Variants in KIF26A observed in about 807,000 individuals in gnomAD.
KIF26A encodes the protein kinesin-like protein KIF26A.
In KIF26A, 74 loss-of-function variants were observed where a neutral mutation model predicts 126.0. The ratio of observed to expected loss-of-function variants is 0.59; its 90% CI spans 0.49 to 0.71. The LOEUF is 0.71. Ranked by LOEUF, KIF26A falls within the 30% of genes least tolerant of loss-of-function variation. KIF26A has a pLI of 0.00. For missense variants in KIF26A, 2,984 were observed against 2,763.3 expected (o/e 1.08, Z -1.79); for synonymous variants, 1,445 against 1,232.7 (o/e 1.17, Z -3.61).
chr14:104,177,066 A>G lies in KIF26A; in HGVS notation c.4278A>G (p.Val1426=). The G allele has an allele frequency of 6.3e-7, 1 of 1,592,052 alleles. No individual in the cohort carries two copies. Among genetic ancestry groups the G allele is most frequent in the East Asian group, 2.2e-5 (1 of 44,624 alleles). The change falls in exon 12 of 15, where the codon GTA becomes GTG. Residue 1426 remains valine, a synonymous_variant. Coordinates refer to ENST00000423312, the MANE Select transcript of KIF26A (RefSeq NM_015656.2). ...GCCTGAAGGCCCGGGCCAGCAAGGT[A>G]GAAGCAGCACACCGTCTTGCCGGAC... ...TSSLKARASK[V]EAAHRLAGHA...
rs148808752 is a variant in KIF26A, at chr14:104,145,548, G to A, written c.288+6260G>A. Reference sequence around the variant, plus strand: ...TTGGACCTGGGATGGTCGTGCTTGCGTCCCTCCTGCGCTGGCCTCTGACCC... The same window carrying A: ...TTGGACCTGGGATGGTCGTGCTTGCATCCCTCCTGCGCTGGCCTCTGACCC... On this transcript the variant is annotated intron_variant, in intron 2 of 14. Coordinates refer to ENST00000423312, the MANE Select transcript of KIF26A (RefSeq NM_015656.2). Among the ~76,000 whole-genome samples the A allele has an allele frequency of 5.0e-3, 760 of 152,334 alleles. 6 individuals carry two copies. The highest frequency in any genetic ancestry group is 0.012 in the South Asian group (56 of 4,828).
intron 4 of KIF26A, among the ~76,000 whole-genome samples, chr14:104,165,061 CTG>C (rs752109847): frequency 1.1e-4 from 16 of 150,252 alleles, no homozygotes; most frequent in Middle Eastern, 3.4e-3. Flanking sequence ...CTGTGTGTCT[CTG>C]TGTTTCTGTA....
chr14:104,153,229 G>A (rs1407443789), intron 3 of KIF26A, among the ~76,000 whole-genome samples: 2 of 152,130 alleles, frequency 1.3e-5, no homozygotes, highest in Admixed American at 6.5e-5. Flanking sequence ...GCTGGGGGCT[G>A]GCCTTGGCAC....
rs1006748381 is a variant in KIF26A at position 104,152,765 on chromosome 14, G to A, written c.735+304G>A. On this transcript the variant is annotated intron_variant, in intron 3 of 14. Coordinates refer to ENST00000423312, the MANE Select transcript of KIF26A (RefSeq NM_015656.2). This position sits in a 1 kb window ranked among gnomAD's most constrained non-coding sequence, Gnocchi z 5.9. ...ACCAGTGCCCAGCACAGGGCTTGGC[G>A]ATGCACAGGGCACCGTGTGTAGATC... 3.9e-5 allele frequency among the ~76,000 whole-genome samples: 6 copies of A among 152,206 alleles called. No individual in the cohort carries two copies. The East Asian group carries it at 7.7e-4, about 20-fold the overall frequency.
In KIF26A at chr14:104,152,436, A is replaced by G; in HGVS notation, c.710A>G (p.Asn237Ser). Residue 237 changes from asparagine (N) to serine (S), a missense_variant, in exon 3 of 15, where the codon AAC becomes AGC. Transcript: ENST00000423312. The surrounding 1 kb of genome is among the most constrained non-coding windows in gnomAD (Gnocchi z 5.9). Reference sequence around the variant, plus strand: ...GGCATGTGGAGTGTCTCGCGGGTCAACAGCTTCCTCCCGCCGGCGTGCCTG... The same window carrying G: ...GGCATGTGGAGTGTCTCGCGGGTCAGCAGCTTCCTCCCGCCGGCGTGCCTG... ...LEGMWSVSRV[N>S]SFLPPACLAE... 1 of 1,589,386 alleles carries G rather than the reference A, an allele frequency of 6.3e-7. No individual in the cohort carries two copies. Among genetic ancestry groups the G allele is most frequent in the Non-Finnish European group, 8.6e-7 (1 of 1,169,446 alleles).
intron 3 of KIF26A, among the ~76,000 whole-genome samples, chr14:104,156,437 T>C (rs796376447): frequency 2.6e-4 from 39 of 147,222 alleles, no homozygotes; most frequent in African/African-American, 8.6e-4. Context: ...TTTCTGCTAC[T>C]GGGCATTCCT....
intron 4 of KIF26A, among the ~76,000 whole-genome samples, chr14:104,165,809 C>CCATG (rs1327588225): frequency 6.6e-6 from 1 of 150,998 alleles, no homozygotes. Context: ...ATATGTGTGT[C>CCATG]TGTGTGTTTC....
At chr14:104,166,185 C>CA (rs1566861353) in intron 4 of KIF26A, among the ~76,000 whole-genome samples, 128 of 151,968 alleles carry the variant, frequency 8.4e-4, no homozygotes, top group African/African-American at 2.5e-3. Flanking sequence ...GTGGCAGGGG[C>CA]CCAGGAGCTG....
In KIF26A at chr14:104,151,913, G is replaced by T; in HGVS notation, c.289-102G>T. 1 of 975,744 alleles carries T rather than the reference G, an allele frequency of 1.0e-6. No individual in the cohort carries two copies. Among genetic ancestry groups the T allele is most frequent in the East Asian group, 2.5e-5 (1 of 40,458 alleles). 60.4% of individuals were successfully genotyped at this position (975,744 alleles called of 1,614,324 possible). ...GTTACGGATGGTGCGGTGGCCAGGC[G>T]GGAGCTCGCAGCGTCATGGACGGTG... On this transcript the variant is annotated intron_variant, in intron 2 of 14. Transcript: ENST00000423312. The surrounding 1 kb of genome is among the most constrained non-coding windows in gnomAD (Gnocchi z 4.9).
rs773783100 is a variant in KIF26A at position 104,177,159 on chromosome 14, G to A, written c.4371G>A (p.Arg1457=). 3.8e-5 allele frequency: 61 copies of A among 1,597,344 alleles called. No homozygotes were observed. In the East Asian group the frequency reaches 1.3e-3, roughly 35 times the overall value. ...GCAAGGGCCGGGAAGCCCCTGGGCG[G>A]CCTCCCCGGGCTGTACCCAAGCTGG... ...SSSKGREAPG[R]PPRAVPKLGV... The change falls in exon 12 of 15, where the codon CGG becomes CGA. Residue 1457 remains arginine (R), a synonymous_variant. Transcript: ENST00000423312.
rs1801878989 is a variant in KIF26A at position 104,138,650 on chromosome 14, T to C, written c.-73T>C. 8.5e-7 allele frequency: 1 copy of C among 1,178,250 alleles called. No homozygotes were observed. Among genetic ancestry groups the C allele is most frequent in the Non-Finnish European group, 1.1e-6 (1 of 935,336 alleles). The allele number at this position is 1,178,250 out of a possible 1,614,324, so 73.0% of individuals were successfully genotyped here. ...GCCATGGGGGCGCCTCGGGGCCGGATCACGTAGCCGCGGCGCCCCCGGAGA... is the reference window on the plus strand; with the variant it reads ...GCCATGGGGGCGCCTCGGGGCCGGACCACGTAGCCGCGGCGCCCCCGGAGA... On this transcript the variant is annotated 5_prime_UTR_variant, in exon 1 of 15. Coordinates refer to ENST00000423312, the MANE Select transcript of KIF26A (RefSeq NM_015656.2).
At chr14:104,162,577 G>A (rs938575751) in intron 4 of KIF26A, among the ~76,000 whole-genome samples, 9 of 152,306 alleles carry the variant, frequency 5.9e-5, no homozygotes, top group East Asian at 1.9e-4. Context: ...CCCGGCCTCC[G>A]CGTCCCCTGG....
At position 104,179,225 on chromosome 14, in the gene KIF26A, C is replaced by T; in HGVS notation, c.5317-11C>T. ...TCCCATGCCTGAGCCCCCGCCCGCC[C>T]TGCCTCCCAGGGTCTGGCGTGCGTC... On this transcript the variant is annotated splice_polypyrimidine_tract_variant and intron_variant, in intron 13 of 14. Coordinates refer to ENST00000423312, the MANE Select transcript of KIF26A (RefSeq NM_015656.2). 6 of 1,457,416 alleles carry T rather than the reference C, an allele frequency of 4.1e-6. No homozygotes were observed. Among genetic ancestry groups the T allele is most frequent in the Non-Finnish European group, 5.4e-6 (6 of 1,109,190 alleles). The allele number at this position is 1,457,416 out of a possible 1,614,324, so 90.3% of individuals were successfully genotyped here.
At chr14:104,169,475 C>T (rs60053614) in intron 5 of KIF26A, among the ~76,000 whole-genome samples, 2,530 of 152,276 alleles carry the variant, frequency 0.017, 62 homozygotes, top group African/African-American at 0.058. Context: ...CACCCTGCTC[C>T]GGAGTGCTCA....
At chr14:104,178,203 G>C (rs775096226) in intron 12 of KIF26A, among the ~76,000 whole-genome samples, 2 of 152,200 alleles carry the variant, frequency 1.3e-5, no homozygotes, top group Admixed American at 6.5e-5. Flanking sequence ...AGGTCGCCAG[G>C]CTGGGGCACT....
chr14:104,150,426 G>T (rs1280790670), intron 2 of KIF26A, among the ~76,000 whole-genome samples: 3 of 151,938 alleles, frequency 2.0e-5, no homozygotes, highest in African/African-American at 7.2e-5. Context: ...GCCTTTTCAT[G>T]CGACCTGCCT....
intron 4 of KIF26A, 138 bp from the exon 5 acceptor site, chr14:104,166,721 C>T (rs2037907134): frequency 1.2e-6 from 1 of 821,052 alleles, no homozygotes; most frequent in African/African-American, 1.7e-5. Context: ...GCAGGCCTCC[C>T]AGCCACATTT....
At position 104,177,223 on chromosome 14, in the gene KIF26A, G is replaced by A. The variant is rs771384138; in HGVS notation, c.4435G>A (p.Ala1479Thr). 1.4e-5 allele frequency: 23 copies of A among 1,596,262 alleles called. No homozygotes were observed. In the East Asian group the frequency reaches 2.2e-4, roughly 16 times the overall value. ...CAGCCCCACACACGGTCCAGCTCCC[G>A]CCTGTAGGAGCGGCGCAGCCAAGGC... ...PSSPTHGPAP[A>T]CRSGAAKAVG... Residue 1479 changes from alanine to threonine, a missense_variant, in exon 12 of 15, where the codon GCC becomes ACC. Coordinates refer to ENST00000423312, the MANE Select transcript of KIF26A (RefSeq NM_015656.2).
chr14:104,141,599 C>T (rs1434229939), intron 2 of KIF26A, among the ~76,000 whole-genome samples: 3 of 150,164 alleles, frequency 2.0e-5, no homozygotes, highest in Non-Finnish European at 4.4e-5. Context: ...AGGGTCGGGG[C>T]CCAGCCTGCC....
Sources: allele counts gnomAD v4.1 joint callset (sites outside exome capture counted in the v4.1 genomes callset), GRCh38; gene constraint gnomAD v4.1.1; non-coding constraint Gnocchi (gnomAD v3.1); transcripts MANE v1.5; gene names NCBI Gene and HGNC (gene_info 2026-07-23, HGNC 2026-07-21).